CTNND2: variants seen among roughly 807,000 people sequenced by gnomAD.
CTNND2 encodes catenin delta 2.
In CTNND2, 22 loss-of-function variants were observed where a neutral mutation model predicts 144.4. The ratio of observed to expected loss-of-function variants is 0.15; its 90% CI spans 0.11 to 0.22. CTNND2 has a LOEUF of 0.22. Ranked by LOEUF, CTNND2 falls within the 10% of genes least tolerant of loss-of-function variation. The pLI is 1.00. For synonymous variants in CTNND2, 751 were observed against 695.6 expected (o/e 1.08, Z -1.25); for missense variants, 1,353 against 1,618.8 (o/e 0.84, Z 2.82).
chr5:11,306,278 T>A (rs1460281625), intron 9 of CTNND2, among the ~76,000 whole-genome samples: 2 of 152,176 alleles, frequency 1.3e-5, no homozygotes, highest in African/African-American at 2.4e-5. Flanking sequence ...ATTCATGATA[T>A]ATTTTGGGGG....
At chr5:11,725,047 C>T (rs1309971845) in intron 2 of CTNND2, among the ~76,000 whole-genome samples, 1 of 152,104 alleles carries the variant, frequency 6.6e-6, no homozygotes, top group East Asian at 1.9e-4. Context: ...GGATGCTAAT[C>T]TTCACTTTTC....
intron 2 of CTNND2, among the ~76,000 whole-genome samples, chr5:11,672,712 C>T (rs1351544350): frequency 6.6e-6 from 1 of 152,102 alleles, no homozygotes; most frequent in Non-Finnish European, 1.5e-5. Flanking sequence ...TGCTGGGCTC[C>T]ATAGGGGTGG....
At chr5:11,751,420 T>C (rs1203841326) in intron 1 of CTNND2, among the ~76,000 whole-genome samples, 1 of 151,854 alleles carries the variant, frequency 6.6e-6, no homozygotes, top group East Asian at 1.9e-4. Flanking sequence ...CAGTGTCTGT[T>C]GTTCCCTTCT....
In CTNND2 at chr5:11,546,673, C is replaced by T. The variant is rs149120903; in HGVS notation, c.287+18271G>A. Among the ~76,000 whole-genome samples, 78 of 152,104 alleles carry T rather than the reference C, an allele frequency of 5.1e-4. No individual in the cohort carries two copies. The East Asian group carries it at 6.2e-3, about 12-fold the overall frequency. ...GAGCCTAGCAATGAGAATGAAACAA[C>T]GAACAACACAAAACCTTTCTGGAAA... On this transcript the variant is annotated intron_variant, in intron 3 of 21. Coordinates refer to ENST00000304623, the MANE Select transcript of CTNND2 (RefSeq NM_001332.4).
chr5:11,749,459 A>C (rs1165596961), intron 1 of CTNND2, among the ~76,000 whole-genome samples: 1 of 151,986 alleles, frequency 6.6e-6, no homozygotes, highest in African/African-American at 2.4e-5. Context: ...CAGGCCAGAG[A>C]TTCTGCTCCA....
chr5:11,621,621 T>C (rs1780846025), intron 2 of CTNND2, among the ~76,000 whole-genome samples: 1 of 152,206 alleles, frequency 6.6e-6, no homozygotes, highest in Non-Finnish European at 1.5e-5. Context: ...ATGGTACAGT[T>C]TATTTTATTT....
At chr5:11,759,975 T>G (rs1342191856) in intron 1 of CTNND2, among the ~76,000 whole-genome samples, 1 of 149,704 alleles carries the variant, frequency 6.7e-6, no homozygotes, top group East Asian at 2.0e-4. Flanking sequence ...TTTGGTAAAT[T>G]ATTCATTAAT....
chr5:11,267,583 G>A (rs1394023411), intron 9 of CTNND2, among the ~76,000 whole-genome samples: 2 of 152,130 alleles, frequency 1.3e-5, no homozygotes, highest in Non-Finnish European at 2.9e-5. Context: ...TGTTAACAAC[G>A]AGGGAACCAA....
At chr5:11,443,972 T>C (rs1764569781) in intron 3 of CTNND2, among the ~76,000 whole-genome samples, 1 of 152,246 alleles carries the variant, frequency 6.6e-6, no homozygotes, top group Non-Finnish European at 1.5e-5. Context: ...ACGGCACAAT[T>C]TTCTTTGTAC....
intron 9 of CTNND2, among the ~76,000 whole-genome samples, chr5:11,250,063 C>T (rs868239228): frequency 7.9e-5 from 12 of 152,218 alleles, no homozygotes; most frequent in South Asian, 4.1e-4. Context: ...TTTCAGAGTA[C>T]TTTGCTATAA....
intron 3 of CTNND2, among the ~76,000 whole-genome samples, chr5:11,561,335 T>C (rs750991632): frequency 6.6e-6 from 1 of 152,200 alleles, no homozygotes. Context: ...CAACAGCTTT[T>C]TGATCTGAAA....
intron 20 of CTNND2, among the ~76,000 whole-genome samples, chr5:10,983,294 A>AT (rs35103030): frequency 2.2e-4 from 33 of 152,024 alleles, no homozygotes; most frequent in African/African-American, 7.2e-4. Context: ...GTATTCATAA[A>AT]TTTTTTTTTA....
intron 12 of CTNND2, among the ~76,000 whole-genome samples, chr5:11,125,023 G>C (rs1264903586): frequency 2.0e-5 from 3 of 152,160 alleles, no homozygotes; most frequent in Admixed American, 2.0e-4. Flanking sequence ...TCTGCCTTGT[G>C]TCCTCCCACA....
chr5:11,795,520 G>A (rs932707478), intron 1 of CTNND2, among the ~76,000 whole-genome samples: 1 of 152,162 alleles, frequency 6.6e-6, no homozygotes, highest in Non-Finnish European at 1.5e-5. Context: ...GGAGTAACTG[G>A]CTAAGGGAGA....
chr5:11,452,200 C>T (rs949356746), intron 3 of CTNND2, among the ~76,000 whole-genome samples: 20 of 152,148 alleles, frequency 1.3e-4, no homozygotes, highest in Admixed American at 6.5e-4. Flanking sequence ...TCAATAAAAA[C>T]GGCAAATGCA....
intron 1 of CTNND2, among the ~76,000 whole-genome samples, chr5:11,827,407 A>G (rs1793659383): frequency 6.6e-6 from 1 of 152,196 alleles, no homozygotes; most frequent in African/African-American, 2.4e-5. Context: ...TCTACCCTTA[A>G]TAAGATGCGA....
chr5:11,068,961 A>G (rs571643101), intron 16 of CTNND2, among the ~76,000 whole-genome samples: 1 of 152,356 alleles, frequency 6.6e-6, no homozygotes, highest in East Asian at 1.9e-4. Context: ...GCTAGACGAC[A>G]GAACAGATCC....
Position 11,254,908 on chromosome 5 carries a change from C to T in CTNND2, c.1629-18085G>A, listed in dbSNP as rs187866533. On this transcript the variant is annotated intron_variant, in intron 9 of 21. Coordinates refer to ENST00000304623, the MANE Select transcript of CTNND2 (RefSeq NM_001332.4). Reference sequence around the variant, plus strand: ...CCCAGAACATAAACTGTAAGAGGCACTACATTAGGTCAAAACACTGTCAGT... The same window carrying T: ...CCCAGAACATAAACTGTAAGAGGCATTACATTAGGTCAAAACACTGTCAGT... Among the ~76,000 whole-genome samples the T allele has an allele frequency of 2.0e-5, 3 of 152,246 alleles. No individual in the cohort carries two copies. In the East Asian group the frequency reaches 5.8e-4, roughly 29 times the overall value.
rs989753544 is a variant in CTNND2 at position 11,903,185 on chromosome 5, G to A, written c.37+632C>T. ...AGCCTTCCAAACCTGGCTTTCAGGC[G>A]GCGCTTTCTGGAGCCTGGCTGTCTA... On this transcript the variant is annotated intron_variant, in intron 1 of 21. Transcript: ENST00000304623. This position sits in a 1 kb window ranked among gnomAD's most constrained non-coding sequence, Gnocchi z 5.4. The A allele has an allele frequency of 1.0e-6, 1 of 985,358 alleles. No homozygotes were observed. The allele number at this position is 985,358 out of a possible 1,614,324, so 61.0% of individuals were successfully genotyped here.
Sources: gnomAD v4.1 joint callset for allele counts (sites outside exome capture counted in the v4.1 genomes callset) on GRCh38, gnomAD v4.1.1 for gene constraint, Gnocchi (gnomAD v3.1) non-coding constraint, MANE v1.5 for transcripts, NCBI Gene and HGNC (gene_info 2026-07-23, HGNC 2026-07-21) for gene names.